ZBTB44: variants seen among roughly 807,000 people sequenced by gnomAD.
The protein encoded by ZBTB44 is zinc finger and BTB domain-containing protein 44.
Under a neutral mutation model 54.0 loss-of-function variants are expected in ZBTB44, and 15 were observed. That is an observed-to-expected ratio of 0.28 (90% CI 0.19 to 0.43). The LOEUF is 0.43. ZBTB44 is among the 20% of genes least tolerant of loss of function. The probability of loss-of-function intolerance (pLI) is 1.00; values close to 1 mark genes in which losing one functional copy is unlikely to be tolerated. For synonymous variants in ZBTB44, 230 were observed against 250.1 expected (o/e 0.92, Z 0.76); for missense variants, 487 against 707.1 (o/e 0.69, Z 3.53).
At chr11:130,249,525 ACAG>A (rs2136345842) in intron 2 of ZBTB44, among the ~76,000 whole-genome samples, 1 of 152,330 alleles carries the variant, frequency 6.6e-6, no homozygotes, top group African/African-American at 2.4e-5. Flanking sequence ...CCGAATAGGA[ACAG>A]CTCCAGTCTG....
chr11:130,269,080 C>G (rs1398382945), intron 1 of ZBTB44, among the ~76,000 whole-genome samples: 1 of 151,202 alleles, frequency 6.6e-6, no homozygotes, highest in African/African-American at 2.4e-5. Flanking sequence ...CACCTGAGGT[C>G]AGGGGTCAAG....
Position 130,261,882 on chromosome 11 carries a change from TCC to T in ZBTB44, c.-11_-10del. The T allele has an allele frequency of 6.3e-7, 1 of 1,594,294 alleles. No individual in the cohort carries two copies. The highest frequency in any genetic ancestry group is 8.6e-7 in the Non-Finnish European group (1 of 1,168,516). On this transcript the variant is annotated 5_prime_UTR_variant, in exon 2 of 8. Coordinates refer to ENST00000357899, the MANE Select transcript of ZBTB44 (RefSeq NM_001301098.2). This position sits in a 1 kb window ranked among gnomAD's most constrained non-coding sequence, Gnocchi z 4.8. ...AATGTTTTCACACCCATCTTTTACT[TCC>T]TCTTCTACAGATGCTCTTCAAGGAT...
At chr11:130,283,652 A>AT (rs551181739) in intron 1 of ZBTB44, among the ~76,000 whole-genome samples, 39 of 151,886 alleles carry the variant, frequency 2.6e-4, no homozygotes, top group Admixed American at 6.6e-5. Flanking sequence ...AGGCATCTTG[A>AT]TTTTTTTTCT....
chr11:130,240,189 C>T (rs7928337), intron 2 of ZBTB44, among the ~76,000 whole-genome samples: 6,055 of 152,018 alleles, frequency 0.04, 298 homozygotes, highest in African/African-American at 0.11. Flanking sequence ...CTACGGGCGC[C>T]CGACACCACG....
At chr11:130,313,797 T>G (rs2134580982) in intron 1 of ZBTB44, among the ~76,000 whole-genome samples, 1 of 152,250 alleles carries the variant, frequency 6.6e-6, no homozygotes, top group Non-Finnish European at 1.5e-5. Context: ...GCAATTTCCT[T>G]TTAATCAGTT....
At chr11:130,295,045 C>T (rs552709059) in intron 1 of ZBTB44, among the ~76,000 whole-genome samples, 10 of 152,040 alleles carry the variant, frequency 6.6e-5, no homozygotes, top group African/African-American at 9.6e-5. Context: ...TACTGTGTGA[C>T]GTCGTGATCT....
chr11:130,232,985 A>T (rs1953935668), intron 7 of ZBTB44: 1 of 214,252 alleles, frequency 4.7e-6, no homozygotes, highest in Admixed American at 5.7e-5. Flanking sequence ...CCTGGGCAAC[A>T]GAGTGAGATG....
chr11:130,259,831 A>T (rs541117665), intron 2 of ZBTB44, among the ~76,000 whole-genome samples: 233 of 152,196 alleles, frequency 1.5e-3, no homozygotes, highest in African/African-American at 5.0e-3. Flanking sequence ...GAGAGATAGC[A>T]TTAGGATAAA....
intron 2 of ZBTB44, among the ~76,000 whole-genome samples, chr11:130,257,754 C>T (rs1938559139): frequency 6.6e-6 from 1 of 152,148 alleles, no homozygotes; most frequent in Admixed American, 6.6e-5. Flanking sequence ...TATGGTCTTC[C>T]CGGTTCTCCA....
intron 1 of ZBTB44, among the ~76,000 whole-genome samples, chr11:130,304,827 T>C (rs532289160): frequency 2.0e-5 from 3 of 152,314 alleles, no homozygotes; most frequent in African/African-American, 7.2e-5. Context: ...TGCTGTTTGC[T>C]GATGATACAA....
intron 1 of ZBTB44, among the ~76,000 whole-genome samples, chr11:130,274,704 T>C (rs61915095): frequency 2.8e-4 from 43 of 152,234 alleles, no homozygotes; most frequent in Non-Finnish European, 5.1e-4. Flanking sequence ...AAAATCCCAG[T>C]TGATCATGTA....
rs146292692 is a variant in ZBTB44 at position 130,301,393 on chromosome 11, C to A, written c.-57+12982G>T. Among the ~76,000 whole-genome samples, 1,316 of 152,270 alleles carry A rather than the reference C, an allele frequency of 8.6e-3. 9 individuals carry two copies. The highest frequency in any genetic ancestry group is 0.021 in the African/African-American group (891 of 41,550). The stretch of plus-strand genomic sequence containing the variant: ...TGGAGGCCGAGTATGCTGGCTCATG[C>A]CTTTAATCCCACCACTTTGGGAGGC... On this transcript the variant is annotated intron_variant, in intron 1 of 7. Transcript: ENST00000357899.
intron 1 of ZBTB44, among the ~76,000 whole-genome samples, chr11:130,299,342 AC>A (rs1941861031): frequency 6.6e-6 from 1 of 152,162 alleles, no homozygotes; most frequent in Non-Finnish European, 1.5e-5. Flanking sequence ...CTAAATAATA[AC>A]CCATGGGCTG....
chr11:130,303,726 G>A (rs575169129), intron 1 of ZBTB44, among the ~76,000 whole-genome samples: 3 of 151,248 alleles, frequency 2.0e-5, no homozygotes, highest in African/African-American at 7.3e-5. Context: ...ATATCCTGAA[G>A]TAAAAGAATA....
Position 130,275,586 on chromosome 11 carries a change from C to G in ZBTB44, c.-56-13657G>C, listed in dbSNP as rs143893770. On this transcript the variant is annotated intron_variant, in intron 1 of 7. Transcript: ENST00000357899. ...TATTTGTGAGCTTCTCAAATTTTTTCCTGCTTTTGATTTCTAATTTCATTC... is the reference window on the plus strand; with the variant it reads ...TATTTGTGAGCTTCTCAAATTTTTTGCTGCTTTTGATTTCTAATTTCATTC... Among the ~76,000 whole-genome samples, 24 of 152,186 alleles carry G rather than the reference C, an allele frequency of 1.6e-4. No homozygotes were observed. The East Asian group carries it at 4.5e-3, about 28-fold the overall frequency.
intron 1 of ZBTB44, among the ~76,000 whole-genome samples, chr11:130,302,456 G>C (rs187858380): frequency 1.6e-4 from 25 of 152,294 alleles, no homozygotes; most frequent in Admixed American, 3.3e-4. Flanking sequence ...TGGAAGAATG[G>C]GTTAGTTTTA....
At chr11:130,258,074 AAT>A (rs1938579915) in intron 2 of ZBTB44, among the ~76,000 whole-genome samples, 1 of 152,206 alleles carries the variant, frequency 6.6e-6, no homozygotes, top group African/African-American at 2.4e-5. Context: ...AACTACATTT[AAT>A]AGATGCTAAA....
At chr11:130,295,590 T>G in intron 1 of ZBTB44, 1 of 729,614 alleles carries the variant, frequency 1.4e-6, no homozygotes, top group Admixed American at 2.2e-5. Context: ...GATACTTCAT[T>G]TGCTTCTCTA....
chr11:130,267,073 T>C (rs1939302976), intron 1 of ZBTB44, among the ~76,000 whole-genome samples: 1 of 152,126 alleles, frequency 6.6e-6, no homozygotes, highest in South Asian at 2.1e-4. Flanking sequence ...AAGACCAGCC[T>C]GGCAACAGGG....
Sources: gnomAD v4.1 joint callset for allele counts (sites outside exome capture counted in the v4.1 genomes callset) on GRCh38, gnomAD v4.1.1 for gene constraint, Gnocchi (gnomAD v3.1) non-coding constraint, MANE v1.5 for transcripts, NCBI Gene and HGNC (gene_info 2026-07-23, HGNC 2026-07-21) for gene names.